Variants in SEC14L5 observed in about 807,000 individuals in gnomAD.
The protein encoded by SEC14L5 is SEC14-like protein 5.
In SEC14L5, 96 loss-of-function variants were observed where a neutral mutation model predicts 84.6. The ratio of observed to expected loss-of-function variants is 1.13; its 90% CI spans 0.96 to 1.34. The LOEUF (loss-of-function observed/expected upper bound fraction) is 1.34, where lower values mean the gene tolerates loss of function less well. Among genes scored for constraint, SEC14L5 ranks in the 40% most tolerant of loss-of-function variants. SEC14L5 has a pLI of 0.00. For missense variants in SEC14L5, 1,224 were observed against 942.5 expected, an observed-to-expected ratio of 1.30 and a Z score of -3.91; for synonymous variants, 546 against 383.4, an observed-to-expected ratio of 1.42 and a Z score of -4.95.
Position 5,003,477 on chromosome 16 carries a change from G to C in SEC14L5, c.1206G>C (p.Leu402=). 1.2e-6 allele frequency: 2 copies of C among 1,613,216 alleles called. No individual in the cohort carries two copies. The highest frequency in any genetic ancestry group is 1.7e-6 in the Non-Finnish European group (2 of 1,179,620). ...GGCGGCCGGGGGTGAAGGCCCTGCT[G>C]CGGATGATTGAGGTGGTTGAGGACA... is the stretch of plus-strand genomic sequence containing the variant. ...HLWRPGVKAL[L]RMIEVVEDNY... Residue 402 remains leucine, a synonymous_variant, in exon 11 of 16, where the codon CTG becomes CTC. Coordinates refer to ENST00000251170, the MANE Select transcript of SEC14L5 (RefSeq NM_014692.2).
At chr16:4,966,890 G>T (rs1306886944) in intron 2 of SEC14L5, among the ~76,000 whole-genome samples, 1 of 152,220 alleles carries the variant, frequency 6.6e-6, no homozygotes, top group African/African-American at 2.4e-5. Flanking sequence ...CCCTGCAAGG[G>T]AGAATACAGC....
Position 4,959,358 on chromosome 16 carries a change from A to T in SEC14L5, c.35A>T (p.Tyr12Phe), listed in dbSNP as rs778030503. ...VQRYQSPVRV[Y>F]KYPFELVMAA... ...AGATACCAGTCTCCTGTCCGAGTCTACAAGTACCCGTTTGAGCTGGTCATG... is the reference window on the plus strand; with the variant it reads ...AGATACCAGTCTCCTGTCCGAGTCTTCAAGTACCCGTTTGAGCTGGTCATG... The change falls in exon 2 of 16, where the codon TAC becomes TTC. Residue 12 changes from tyrosine to phenylalanine, a missense_variant. Tyr to Phe is a conservative substitution (Grantham distance 22). Transcript: ENST00000251170. 1 of 1,613,896 alleles carries T rather than the reference A, an allele frequency of 6.2e-7. No homozygotes were observed. The highest frequency in any genetic ancestry group is 1.7e-5 in the Admixed American group (1 of 60,002).
chr16:5,011,354 C>A, intron 15 of SEC14L5, 81 bp downstream of exon 15: 1 of 1,427,316 alleles, frequency 7.0e-7, no homozygotes, highest in South Asian at 1.3e-5. Context: ...CCTCCTGTCT[C>A]CCAGCTGGGT....
intron 2 of SEC14L5, among the ~76,000 whole-genome samples, chr16:4,962,111 G>T (rs1427917710): frequency 2.8e-5 from 4 of 142,420 alleles, no homozygotes. Flanking sequence ...AATAAGACAG[G>T]ACTGGACACA....
chr16:4,975,532 G>C (rs907397452), intron 2 of SEC14L5, among the ~76,000 whole-genome samples: 4 of 149,610 alleles, frequency 2.7e-5, no homozygotes. Flanking sequence ...GTAGTATTCC[G>C]TGGTGTATAT....
chr16:5,004,382 G>A (rs777898805), intron 11 of SEC14L5, among the ~76,000 whole-genome samples: 19 of 152,140 alleles, frequency 1.2e-4, no homozygotes, highest in Non-Finnish European at 2.6e-4. Flanking sequence ...GGTGGTTTTG[G>A]GAGTGCGAGC....
chr16:4,986,795 A>T (rs1596626641), intron 2 of SEC14L5, among the ~76,000 whole-genome samples: 2 of 152,270 alleles, frequency 1.3e-5, no homozygotes, highest in South Asian at 4.1e-4. Context: ...TTGATGTTGT[A>T]AATAGAATTT....
At chr16:4,999,369 C>G (rs1001648290) in intron 8 of SEC14L5, among the ~76,000 whole-genome samples, 3 of 152,194 alleles carry the variant, frequency 2.0e-5, no homozygotes, top group African/African-American at 7.2e-5. Context: ...CTCTGGGAAG[C>G]CAAAGCTGGA....
intron 2 of SEC14L5, among the ~76,000 whole-genome samples, chr16:4,963,899 C>A (rs1205731255): frequency 6.6e-6 from 1 of 152,084 alleles, no homozygotes; most frequent in African/African-American, 2.4e-5. Context: ...GTTGCCCAGC[C>A]TGGTCTTGAA....
rs1246995143 is a variant in SEC14L5 at position 5,015,066 on chromosome 16, G to C, written c.*96G>C. ...AACTGCAGGGCCTGGGACCATGTGGGCTGGAGCCCCAGGCCTAGATGCTGC... is the reference window on the plus strand; with the variant it reads ...AACTGCAGGGCCTGGGACCATGTGGCCTGGAGCCCCAGGCCTAGATGCTGC... On this transcript the variant is annotated 3_prime_UTR_variant, in exon 16 of 16. Transcript: ENST00000251170. 2.0e-6 allele frequency: 2 copies of C among 979,128 alleles called. No individual in the cohort carries two copies. Among genetic ancestry groups the C allele is most frequent in the South Asian group, 1.5e-5 (1 of 67,412 alleles). 60.7% of individuals were successfully genotyped at this position (979,128 alleles called of 1,614,324 possible).
At position 5,000,921 on chromosome 16, in the gene SEC14L5, A is replaced by C. The variant is rs768798892; in HGVS notation, c.1126A>C (p.Ile376Leu). ...GAGCACAAGGCAGCTGGGCCGTCCC[A>C]TCAGGCAAACACCTGGGCTGGGCAC... ...EGSTRQLGRPISSWTCLLDLE... is the reference protein window; with the variant it reads ...EGSTRQLGRPLSSWTCLLDLE... Residue 376 changes from isoleucine (I) to leucine (L), a missense_variant, in exon 10 of 16, where the codon ATC becomes CTC. Transcript: ENST00000251170. 1 of 1,605,694 alleles carries C rather than the reference A, an allele frequency of 6.2e-7. No homozygotes were observed. The highest frequency in any genetic ancestry group is 8.5e-7 in the Non-Finnish European group (1 of 1,176,274).
At chr16:4,984,191 T>C (rs1955461728) in intron 2 of SEC14L5, among the ~76,000 whole-genome samples, 1 of 152,174 alleles carries the variant, frequency 6.6e-6, no homozygotes, top group African/African-American at 2.4e-5. Flanking sequence ...CCACCATCTC[T>C]TTCCTCACCA....
chr16:5,011,071 C>A (rs771632313), intron 14 of SEC14L5, 24 bp from the exon 15 acceptor site: 2 of 1,571,860 alleles, frequency 1.3e-6, no homozygotes, highest in Admixed American at 1.9e-5. Context: ...CGCAGGGCCT[C>A]AGGGCAGGGC....
At chr16:5,002,855 G>C (rs1955691917) in intron 10 of SEC14L5, among the ~76,000 whole-genome samples, 1 of 152,210 alleles carries the variant, frequency 6.6e-6, no homozygotes, top group South Asian at 2.1e-4. Context: ...CAGCACCTCT[G>C]CTCTATTTAG....
At chr16:4,964,706 G>A (rs1004145312) in intron 2 of SEC14L5, among the ~76,000 whole-genome samples, 2 of 152,130 alleles carry the variant, frequency 1.3e-5, no homozygotes, top group South Asian at 4.1e-4. Flanking sequence ...AAAATGCTGG[G>A]ATTACAGGCG....
At chr16:4,968,508 G>T (rs1290783881) in intron 2 of SEC14L5, among the ~76,000 whole-genome samples, 3 of 152,210 alleles carry the variant, frequency 2.0e-5, no homozygotes, top group Non-Finnish European at 4.4e-5. Flanking sequence ...AAATATTTTT[G>T]TAGAGGTGAG....
At chr16:4,959,445 T>TCCGTCTTCCTACCGCC in intron 2 of SEC14L5, 59 bp downstream of exon 2, 1 of 1,419,400 alleles carries the variant, frequency 7.0e-7, no homozygotes, top group Non-Finnish European at 1.0e-6. Flanking sequence ...TGAGATCAGC[T>TCCGTCTTCCTACCGCC]ATGGCGGTAG....
chr16:5,003,612 T>TGGGGG, intron 11 of SEC14L5, 39 bp downstream of exon 11: 1 of 130,368 alleles, frequency 7.7e-6, no homozygotes, highest in Non-Finnish European at 1.5e-5. Flanking sequence ...TCCCTGGGGG[T>TGGGGG]GGGTGGGATG....
At position 5,015,000 on chromosome 16, in the gene SEC14L5, C is replaced by T. The variant is rs544391160; in HGVS notation, c.*30C>T. 15 of 1,524,868 alleles carry T rather than the reference C, an allele frequency of 9.8e-6. No homozygotes were observed. Among genetic ancestry groups the T allele is most frequent in the Middle Eastern group, 1.7e-4 (1 of 5,866 alleles). 94.5% of individuals were successfully genotyped at this position (1,524,868 alleles called of 1,614,324 possible). A position where few individuals can be genotyped will look rare whatever the true frequency, so the allele number is the denominator to read the frequency against. ...GCCCAGTGTTTCAGGGCCGCCCGCTCGCCTCCAGTGTCCAGAAATGTCCAG... is the reference window on the plus strand; with the variant it reads ...GCCCAGTGTTTCAGGGCCGCCCGCTTGCCTCCAGTGTCCAGAAATGTCCAG... On this transcript the variant is annotated 3_prime_UTR_variant, in exon 16 of 16. Transcript: ENST00000251170.
Sources: allele counts gnomAD v4.1 joint callset (sites outside exome capture counted in the v4.1 genomes callset), GRCh38; gene constraint gnomAD v4.1.1; transcripts MANE v1.5; gene names NCBI Gene and HGNC (gene_info 2026-07-23, HGNC 2026-07-21).